Variants in TSHZ3 observed in about 807,000 individuals in gnomAD.
TSHZ3 encodes teashirt zinc finger homeobox 3, also known as teashirt homolog 3.
In TSHZ3, 10 loss-of-function variants were observed where a neutral mutation model predicts 64.5. The ratio of observed to expected loss-of-function variants is 0.16; its 90% confidence interval spans 0.10 to 0.26. TSHZ3 has a LOEUF of 0.26. Among genes scored for constraint, TSHZ3 ranks in the 10% least tolerant of loss-of-function variants. The pLI, the probability that TSHZ3 is intolerant of heterozygous loss-of-function variation, is 1.00. For synonymous variants in TSHZ3, 608 were observed against 593.1 expected (o/e 1.03, Z -0.36); for missense variants, 1,242 against 1,421.7 (o/e 0.87, Z 2.03).
chr19:31,246,013 A>T (rs1210072680), intron 1 of TSHZ3, among the ~76,000 whole-genome samples: 1 of 152,236 alleles, frequency 6.6e-6, no homozygotes, highest in Non-Finnish European at 1.5e-5. Flanking sequence ...TAGATGAGGC[A>T]TGCTAAAATA....
intron 1 of TSHZ3, among the ~76,000 whole-genome samples, chr19:31,342,853 G>C (rs1338185603): frequency 6.6e-6 from 1 of 152,226 alleles, no homozygotes; most frequent in Non-Finnish European, 1.5e-5. Flanking sequence ...GAAACACAGA[G>C]AAACTGGTGG....
chr19:31,312,864 C>G (rs762285262), intron 1 of TSHZ3, among the ~76,000 whole-genome samples: 11 of 152,046 alleles, frequency 7.2e-5, no homozygotes, highest in Non-Finnish European at 2.9e-5. Flanking sequence ...CATTAGACTC[C>G]GGTAGGAAGG....
intron 5 of TSHZ3, among the ~76,000 whole-genome samples, chr19:31,192,315 G>A (rs892777953): frequency 1.3e-5 from 2 of 152,188 alleles, no homozygotes; most frequent in Admixed American, 1.3e-4. Context: ...CCACATGCCT[G>A]TGATGTTTAT....
At chr19:31,262,204 G>T (rs1265000144) in intron 1 of TSHZ3, among the ~76,000 whole-genome samples, 1 of 152,190 alleles carries the variant, frequency 6.6e-6, no homozygotes, top group African/African-American at 2.4e-5. Flanking sequence ...CTTTACCCGT[G>T]TTGCCAAATA....
chr19:31,233,563 T>G (rs1468414892), intron 3 of TSHZ3, among the ~76,000 whole-genome samples: 1 of 152,196 alleles, frequency 6.6e-6, no homozygotes, highest in Non-Finnish European at 1.5e-5. Context: ...TGTCAATGTC[T>G]TCGGCAGGGC....
At chr19:31,233,742 A>G (rs1167190790) in intron 3 of TSHZ3, among the ~76,000 whole-genome samples, 1 of 152,140 alleles carries the variant, frequency 6.6e-6, no homozygotes, top group African/African-American at 2.4e-5. Flanking sequence ...GACTCATTTC[A>G]AATTAATTCT....
chr19:31,334,754 G>A (rs1190720063), intron 1 of TSHZ3, among the ~76,000 whole-genome samples: 1 of 152,168 alleles, frequency 6.6e-6, no homozygotes, highest in Non-Finnish European at 1.5e-5. Context: ...ATATGGCTTT[G>A]AATGTGGTGG....
At chr19:31,165,821 C>CT (rs1491317559) in intron 5 of TSHZ3, among the ~76,000 whole-genome samples, 1 of 152,150 alleles carries the variant, frequency 6.6e-6, no homozygotes, top group African/African-American at 2.4e-5. Context: ...AGACAATATA[C>CT]TTTTTATTTG....
intron 1 of TSHZ3, among the ~76,000 whole-genome samples, chr19:31,323,797 A>G (rs1916847150): frequency 6.6e-6 from 1 of 151,476 alleles, no homozygotes; most frequent in South Asian, 2.1e-4. Flanking sequence ...CACACACCTC[A>G]GAAAGATGTT....
At chr19:31,200,979 T>A (rs1244368085) in intron 5 of TSHZ3, among the ~76,000 whole-genome samples, 1 of 148,520 alleles carries the variant, frequency 6.7e-6, no homozygotes, top group African/African-American at 2.5e-5. Flanking sequence ...TTAAAGCAAG[T>A]ATAATTAAAG....
At chr19:31,255,795 A>G (rs1975902107) in intron 1 of TSHZ3, among the ~76,000 whole-genome samples, 1 of 151,192 alleles carries the variant, frequency 6.6e-6, no homozygotes, top group South Asian at 2.1e-4. Context: ...GGGGCATCTC[A>G]TGGCCTCTAC....
chr19:31,344,534 T>C (rs1283115492), intron 1 of TSHZ3, among the ~76,000 whole-genome samples: 1 of 152,232 alleles, frequency 6.6e-6, no homozygotes, highest in East Asian at 1.9e-4. Context: ...GGATTAAACA[T>C]GGCTGTGTGC....
intron 3 of TSHZ3, among the ~76,000 whole-genome samples, chr19:31,237,788 T>C (rs1386679233): frequency 6.6e-6 from 1 of 152,216 alleles, no homozygotes; most frequent in East Asian, 1.9e-4. Flanking sequence ...CAACAAAGTT[T>C]GAAATGTTAA....
chr19:31,234,360 T>C (rs551644654), intron 3 of TSHZ3, among the ~76,000 whole-genome samples: 1 of 152,320 alleles, frequency 6.6e-6, no homozygotes, highest in East Asian at 1.9e-4. Context: ...CCTTTTTAAA[T>C]TCGTTTGTTT....
chr19:31,331,384 T>C (rs1917088663), intron 1 of TSHZ3, among the ~76,000 whole-genome samples: 1 of 152,226 alleles, frequency 6.6e-6, no homozygotes, highest in African/African-American at 2.4e-5. Context: ...GTCACTGATA[T>C]TTCAGATCTG....
At chr19:31,188,837 A>C (rs1356764492) in intron 5 of TSHZ3, among the ~76,000 whole-genome samples, 1 of 151,800 alleles carries the variant, frequency 6.6e-6, no homozygotes, top group Non-Finnish European at 1.5e-5. Flanking sequence ...TTTCTTCTCT[A>C]TTTTCTGAAA....
intron 1 of TSHZ3, among the ~76,000 whole-genome samples, chr19:31,324,975 T>A (rs1916889779): frequency 6.6e-6 from 1 of 152,228 alleles, no homozygotes; most frequent in Non-Finnish European, 1.5e-5. Flanking sequence ...AAAACAAAAT[T>A]AAGTCACTGT....
intron 6 of TSHZ3, among the ~76,000 whole-genome samples, chr19:31,153,691 A>T (rs1974268227): frequency 6.6e-6 from 1 of 152,206 alleles, no homozygotes; most frequent in African/African-American, 2.4e-5. Flanking sequence ...TGCTATGGTA[A>T]TGCGGGCCTA....
chr19:31,273,900 C>T (rs1976181449), downstream of TSHZ3, among the ~76,000 whole-genome samples: 1 of 152,170 alleles, frequency 6.6e-6, no homozygotes, highest in African/African-American at 2.4e-5. Context: ...CCTGTGTGCC[C>T]ACATCCCAAG....
Sources: gnomAD v4.1 joint callset for allele counts (sites outside exome capture counted in the v4.1 genomes callset) on GRCh38, gnomAD v4.1.1 for gene constraint, MANE v1.5 for transcripts, NCBI Gene and HGNC (gene_info 2026-07-23, HGNC 2026-07-21) for gene names.